The following SPMIP2 variants were observed in gnomAD, a reference collection of about 807,000 sequenced individuals.
SPMIP2 encodes the protein sperm microtubule inner protein 2, also known as protein SPMIP2.
At chr4:159,032,912 T>C in the SPMIP2 span, among the ~76,000 whole-genome samples, 1 of 152,152 alleles carries the variant, frequency 6.6e-6, no homozygotes, top group South Asian at 2.1e-4. Flanking sequence ...GAAGACAGTT[T>C]GGCTTAACAC....
At chr4:158,928,057 C>T in the SPMIP2 span, among the ~76,000 whole-genome samples, 1 of 152,222 alleles carries the variant, frequency 6.6e-6, no homozygotes, top group African/African-American at 2.4e-5. Flanking sequence ...GTGCCCAGTC[C>T]CATCGACCAC....
At chr4:158,952,744 A>G in the SPMIP2 span, among the ~76,000 whole-genome samples, 1 of 152,224 alleles carries the variant, frequency 6.6e-6, no homozygotes, top group South Asian at 2.1e-4. Flanking sequence ...TGATAGCAAC[A>G]TGGACAATAA....
At chr4:159,028,787 C>A in the SPMIP2 span, among the ~76,000 whole-genome samples, 2 of 152,082 alleles carry the variant, frequency 1.3e-5, no homozygotes, top group South Asian at 4.1e-4. Context: ...ATAGTAAAAT[C>A]TTTGTAATAC....
At chr4:158,978,552 A>G in the SPMIP2 span, among the ~76,000 whole-genome samples, 5 of 152,140 alleles carry the variant, frequency 3.3e-5, no homozygotes, top group Non-Finnish European at 7.4e-5. Flanking sequence ...AAGACTTTAC[A>G]TCTCTTTGTA....
the SPMIP2 span, among the ~76,000 whole-genome samples, chr4:159,035,743 T>C: frequency 6.6e-6 from 1 of 152,206 alleles, no homozygotes; most frequent in Non-Finnish European, 1.5e-5. Context: ...ACACATACAA[T>C]TTGCTCTTCC....
chr4:159,050,442 A>G, the SPMIP2 span, among the ~76,000 whole-genome samples: 1 of 152,138 alleles, frequency 6.6e-6, no homozygotes, highest in Non-Finnish European at 1.5e-5. Context: ...GGATCACCAT[A>G]TCCAGTAACA....
the SPMIP2 span, among the ~76,000 whole-genome samples, chr4:159,009,853 G>C: frequency 0.83 from 126,750 of 152,072 alleles, 55,521 homozygotes; most frequent in Non-Finnish European, 0.97. Flanking sequence ...CGACACAGTG[G>C]TGTACGCCTA....
chr4:159,069,701 A>G, the SPMIP2 span, among the ~76,000 whole-genome samples: 1 of 152,154 alleles, frequency 6.6e-6, no homozygotes, highest in Non-Finnish European at 1.5e-5. Flanking sequence ...ATGCAATATT[A>G]ACATTTTTCT....
chr4:158,967,313 G>C, the SPMIP2 span, among the ~76,000 whole-genome samples: 1 of 152,044 alleles, frequency 6.6e-6, no homozygotes, highest in Non-Finnish European at 1.5e-5. Flanking sequence ...TATTTCTCCC[G>C]CCTCACAGAT....
chr4:159,003,639 A>G, the SPMIP2 span, among the ~76,000 whole-genome samples: 12 of 152,354 alleles, frequency 7.9e-5, no homozygotes, highest in South Asian at 4.1e-4. Flanking sequence ...TTACACAGGA[A>G]GTGTCATGGT....
At chr4:158,982,143 T>C in the SPMIP2 span, among the ~76,000 whole-genome samples, 2 of 152,204 alleles carry the variant, frequency 1.3e-5, no homozygotes, top group African/African-American at 2.4e-5. Context: ...TACAAAATGG[T>C]AAAGGGATCA....
At chr4:159,014,245 G>A in the SPMIP2 span, among the ~76,000 whole-genome samples, 1 of 152,238 alleles carries the variant, frequency 6.6e-6, no homozygotes, top group East Asian at 1.9e-4. Flanking sequence ...ACAAGGTCAG[G>A]AAATGGAGAC....
At chr4:159,077,330 A>C in the SPMIP2 span, among the ~76,000 whole-genome samples, 1 of 151,768 alleles carries the variant, frequency 6.6e-6, no homozygotes, top group East Asian at 1.9e-4. Context: ...CATTATTAGT[A>C]GAGATGGGGT....
chr4:159,012,785 G>A, the SPMIP2 span, among the ~76,000 whole-genome samples: 9 of 151,912 alleles, frequency 5.9e-5, no homozygotes, highest in East Asian at 1.2e-3. Flanking sequence ...GTTCCTCAGG[G>A]TGGTCTCGAA....
chr4:159,033,372 A>G, the SPMIP2 span, among the ~76,000 whole-genome samples: 1 of 152,214 alleles, frequency 6.6e-6, no homozygotes, highest in African/African-American at 2.4e-5. Flanking sequence ...TGGTACTATA[A>G]TGGTGAATAC....
the SPMIP2 span, among the ~76,000 whole-genome samples, chr4:159,043,133 C>G: frequency 6.6e-6 from 1 of 152,178 alleles, no homozygotes; most frequent in Non-Finnish European, 1.5e-5. Flanking sequence ...CACTAACTCC[C>G]TATTTTCTAT....
At chr4:159,032,906 A>T in the SPMIP2 span, among the ~76,000 whole-genome samples, 10 of 152,126 alleles carry the variant, frequency 6.6e-5, no homozygotes, top group African/African-American at 2.4e-4. Context: ...AGTTTAGAAG[A>T]CAGTTTGGCT....
At chr4:159,063,299 C>T in the SPMIP2 span, among the ~76,000 whole-genome samples, 40 of 152,308 alleles carry the variant, frequency 2.6e-4, 1 homozygote, top group East Asian at 2.5e-3. Flanking sequence ...TGGCTCACGC[C>T]TGTAATCCCA....
At chr4:158,961,541 A>C in the SPMIP2 span, among the ~76,000 whole-genome samples, 1 of 152,124 alleles carries the variant, frequency 6.6e-6, no homozygotes, top group Non-Finnish European at 1.5e-5. Flanking sequence ...GATCCCCTGA[A>C]AATTGAATTT....
Sources: gnomAD v4.1 joint callset for allele counts (sites outside exome capture counted in the v4.1 genomes callset) on GRCh38, gnomAD v4.1.1 for gene constraint, MANE v1.5 for transcripts, NCBI Gene and HGNC (gene_info 2026-07-23, HGNC 2026-07-21) for gene names.